The following MRPS27 variants were observed in gnomAD, a reference collection of about 807,000 sequenced individuals.
MRPS27 encodes small ribosomal subunit protein mS27.
In MRPS27, 43 loss-of-function variants were observed where a neutral mutation model predicts 48.9. The observed-to-expected ratio is 0.88, with a 90% CI of 0.69 to 1.13. The LOEUF (loss-of-function observed/expected upper bound fraction) is 1.13. Among genes scored for constraint, MRPS27 ranks in the 50% most tolerant of loss-of-function variants. MRPS27 has a pLI of 0.00. For synonymous variants in MRPS27, 188 were observed against 171.9 expected (o/e 1.09, Z -0.73); for missense variants, 467 against 476.3 (o/e 0.98, Z 0.18).
chr5:72,307,424 C>T (rs1452986218), intron 2 of MRPS27, among the ~76,000 whole-genome samples: 3 of 152,124 alleles, frequency 2.0e-5, no homozygotes, highest in Non-Finnish European at 4.4e-5. Context: ...ATATTTACAA[C>T]CCTATTAATA....
chr5:72,258,474 A>G (rs1247922402), intron 4 of MRPS27, among the ~76,000 whole-genome samples: 1 of 152,204 alleles, frequency 6.6e-6, no homozygotes, highest in African/African-American at 2.4e-5. Flanking sequence ...GTTCTCTCCA[A>G]AACTCAAGTT....
intron 8 of MRPS27, among the ~76,000 whole-genome samples, chr5:72,226,710 AC>A (rs1433465736): frequency 3.4e-5 from 5 of 146,948 alleles, no homozygotes; most frequent in African/African-American, 1.0e-4. Flanking sequence ...AAAAAAAAAA[AC>A]CCCTCATCTT....
At chr5:72,269,331 T>G (rs551238027) in intron 4 of MRPS27, among the ~76,000 whole-genome samples, 12 of 152,306 alleles carry the variant, frequency 7.9e-5, no homozygotes, top group African/African-American at 2.4e-4. Context: ...TCTGAGACTT[T>G]CAGCCACCAT....
intron 6 of MRPS27, among the ~76,000 whole-genome samples, chr5:72,232,851 G>A (rs1030466748): frequency 2.6e-5 from 4 of 152,104 alleles, no homozygotes; most frequent in Non-Finnish European, 4.4e-5. Flanking sequence ...CAGTATCATC[G>A]TCATAATGAT....
intron 4 of MRPS27, among the ~76,000 whole-genome samples, chr5:72,290,392 T>A (rs1749787178): frequency 6.6e-6 from 1 of 152,240 alleles, no homozygotes; most frequent in South Asian, 2.1e-4. Context: ...CTCTGGAATT[T>A]CTTCTGCCTT....
At chr5:72,299,242 T>C (rs959305669) in intron 2 of MRPS27, among the ~76,000 whole-genome samples, 3 of 150,804 alleles carry the variant, frequency 2.0e-5, no homozygotes, top group Non-Finnish European at 2.9e-5. Context: ...AACCTGCACA[T>C]GTACTCCCTG....
chr5:72,232,267 T>C (rs1439053053), intron 7 of MRPS27, among the ~76,000 whole-genome samples, 176 bp downstream of exon 7: 2 of 152,160 alleles, frequency 1.3e-5, no homozygotes, highest in African/African-American at 4.8e-5. Context: ...TTCTCTCAAG[T>C]GGAAGAACCT....
In MRPS27 at chr5:72,220,477, G is replaced by A. The variant is rs1747711009; in HGVS notation, c.*432C>T. 1 of 157,728 alleles carries A rather than the reference G, an allele frequency of 6.3e-6. No individual in the cohort carries two copies. Among genetic ancestry groups the A allele is most frequent in the Non-Finnish European group, 1.4e-5 (1 of 72,006 alleles). 9.8% of individuals were successfully genotyped at this position (157,728 alleles called of 1,614,324 possible). ...TCGGAGGTTGCAGTGAGCCAAGATT[G>A]CGCCACTGCACTCCAGCCTGGGTGA... On this transcript the variant is annotated 3_prime_UTR_variant, in exon 11 of 11. Coordinates refer to ENST00000261413, the MANE Select transcript of MRPS27 (RefSeq NM_015084.3).
At chr5:72,228,003 T>G (rs1030204712) in intron 8 of MRPS27, 3 of 483,008 alleles carry the variant, frequency 6.2e-6, no homozygotes, top group Non-Finnish European at 1.1e-5. Context: ...TTATCCCTTC[T>G]TCAGACTGAT....
chr5:72,271,497 T>C (rs1749240528), intron 4 of MRPS27, among the ~76,000 whole-genome samples: 1 of 152,160 alleles, frequency 6.6e-6, no homozygotes, highest in Admixed American at 6.6e-5. Context: ...TAAACCCCGT[T>C]CATGTCAAGA....
chr5:72,221,043 C>T lies in MRPS27; in HGVS notation c.1111G>A (p.Asp371Asn). The T allele has an allele frequency of 6.2e-7, 1 of 1,614,182 alleles. No homozygotes were observed. Among genetic ancestry groups the T allele is most frequent in the Non-Finnish European group, 8.5e-7 (1 of 1,180,028 alleles). Residue 371 changes from aspartate (D) to asparagine (N), a missense_variant, in exon 11 of 11, where the codon GAC (aspartate) becomes AAC (asparagine). Physicochemically the swap from Asp to Asn is conservative, Grantham distance 23. Transcript: ENST00000261413. The stretch of plus-strand genomic sequence containing the variant: ...AGATTCTGCTCATAGGTGGCGATGT[C>T]CTCTGCTTCACAGGTGGAGAGTTTT... Reference protein sequence around the residue: ...KEKLSTCEAEDIATYEQNLQQ... With the variant: ...KEKLSTCEAENIATYEQNLQQ...
intron 4 of MRPS27, among the ~76,000 whole-genome samples, chr5:72,286,558 C>T (rs1749678404): frequency 6.7e-6 from 1 of 149,316 alleles, no homozygotes; most frequent in African/African-American, 2.4e-5. Context: ...TTGATCTTTA[C>T]CTTATAACAT....
chr5:72,308,547 G>A (rs1212022183), intron 2 of MRPS27, among the ~76,000 whole-genome samples: 1 of 152,198 alleles, frequency 6.6e-6, no homozygotes, highest in African/African-American at 2.4e-5. Flanking sequence ...CACTCGCCGC[G>A]TTCCACCCGC....
At chr5:72,270,782 T>G (rs1749220619) in intron 4 of MRPS27, among the ~76,000 whole-genome samples, 1 of 152,114 alleles carries the variant, frequency 6.6e-6, no homozygotes, top group East Asian at 1.9e-4. Flanking sequence ...TAATACTACA[T>G]CAGGACAATA....
At chr5:72,231,576 T>C (rs1748066973) in intron 7 of MRPS27, among the ~76,000 whole-genome samples, 1 of 152,180 alleles carries the variant, frequency 6.6e-6, no homozygotes, top group Admixed American at 6.6e-5. Context: ...GGAATTTGTA[T>C]GTGTTCAATA....
intron 4 of MRPS27, among the ~76,000 whole-genome samples, chr5:72,243,283 C>T (rs1748411570): frequency 6.6e-6 from 1 of 152,174 alleles, no homozygotes; most frequent in Admixed American, 6.5e-5. Context: ...CCAAGAGTGT[C>T]ATGTGACTAT....
At chr5:72,274,673 T>A (rs1290293016) in intron 4 of MRPS27, among the ~76,000 whole-genome samples, 1 of 152,240 alleles carries the variant, frequency 6.6e-6, no homozygotes, top group Non-Finnish European at 1.5e-5. Flanking sequence ...TATTATTATG[T>A]ACTGTACGTA....
intron 4 of MRPS27, among the ~76,000 whole-genome samples, chr5:72,255,015 A>AAC (rs1748760576): frequency 6.7e-6 from 1 of 149,770 alleles, no homozygotes; most frequent in Non-Finnish European, 1.5e-5. Flanking sequence ...TCTAAAATGT[A>AAC]ACACATTTCT....
At chr5:72,224,212 A>AG in intron 9 of MRPS27, among the ~76,000 whole-genome samples, 1 of 150,386 alleles carries the variant, frequency 6.6e-6, no homozygotes, top group African/African-American at 2.5e-5. Context: ...AAAAAAAAAA[A>AG]GCCAAGCATG....
Sources: gnomAD v4.1 joint callset for allele counts (sites outside exome capture counted in the v4.1 genomes callset) on GRCh38, gnomAD v4.1.1 for gene constraint, MANE v1.5 for transcripts, NCBI Gene and HGNC (gene_info 2026-07-23, HGNC 2026-07-21) for gene names.